XRCC2: variants seen among roughly 807,000 people sequenced by gnomAD.
XRCC2 encodes the protein X-ray repair cross complementing 2.
A neutral mutation model predicts 27.3 loss-of-function variants in XRCC2; 24 were observed. That is an observed-to-expected ratio of 0.88 (90% confidence interval 0.64 to 1.24). XRCC2 has a LOEUF of 1.24. Ranked by LOEUF, XRCC2 falls within the 50% of genes most tolerant of loss-of-function variation. The probability of loss-of-function intolerance (pLI) is 0.00; values close to 1 mark genes in which losing one functional copy is unlikely to be tolerated. For synonymous variants in XRCC2, 106 were observed against 115.4 expected (o/e 0.92, Z 0.52); for missense variants, 321 against 325.8 (o/e 0.99, Z 0.11).
In XRCC2 at chr7:152,649,023, A is replaced by C; in HGVS notation, c.462T>G (p.Phe154Leu). ...CLLILDSLSAFYWIDRVNGGE... is the reference protein window; with the variant it reads ...CLLILDSLSALYWIDRVNGGE... ...CTCCATTGACGCGGTCTATCCAGTA[A>C]AAAGCTGACAGGCTATCCAAAATCA... is the stretch of plus-strand genomic sequence containing the variant. The change falls in exon 3 of 3, where the codon TTT (phenylalanine) becomes TTG (leucine). Residue 154 changes from phenylalanine (F) to leucine (L), a missense_variant. Physicochemically the swap from Phe to Leu is conservative, Grantham distance 22 (BLOSUM62 0). Coordinates refer to ENST00000359321, the MANE Select transcript of XRCC2 (RefSeq NM_005431.2). 6.2e-7 allele frequency: 1 copy of C among 1,614,230 alleles called. No individual in the cohort carries two copies. Among genetic ancestry groups the C allele is most frequent in the African/African-American group, 1.3e-5 (1 of 75,060 alleles).
At chr7:152,658,853 G>A (rs887618635) in intron 2 of XRCC2, among the ~76,000 whole-genome samples, 3 of 152,108 alleles carry the variant, frequency 2.0e-5, no homozygotes. Context: ...TTCCCCCCAG[G>A]GATTCATTAT....
chr7:152,667,434 A>AAAC (rs2098036395), intron 1 of XRCC2, among the ~76,000 whole-genome samples: 1 of 147,718 alleles, frequency 6.8e-6, no homozygotes, highest in Non-Finnish European at 1.5e-5. Context: ...AAAGAAAAAA[A>AAAC]GTATTATAAT....
chr7:152,664,193 A>C (rs1488493081), intron 1 of XRCC2, among the ~76,000 whole-genome samples: 1 of 152,136 alleles, frequency 6.6e-6, no homozygotes, highest in East Asian at 1.9e-4. Context: ...GCTGATTTTA[A>C]TCTATATCCT....
rs1219934704 is a variant in XRCC2, at chr7:152,652,813, A to G, written c.122-3450T>C. 2.6e-5 allele frequency among the ~76,000 whole-genome samples: 4 copies of G among 152,180 alleles called. No individual in the cohort carries two copies. The South Asian group carries it at 8.3e-4, about 31-fold the overall frequency. ...TAAGGGCCTAAAAGCCAATTGTGAA[A>G]CTGGCATTTTAAATGGAAGCGGGTC... On this transcript the variant is annotated intron_variant, in intron 2 of 2. Transcript: ENST00000359321.
intron 1 of XRCC2, among the ~76,000 whole-genome samples, chr7:152,672,316 T>C (rs894299041): frequency 1.1e-4 from 17 of 152,206 alleles, no homozygotes; most frequent in Admixed American, 6.6e-4. Context: ...ACACCAATTA[T>C]TATTTTACAA....
intron 1 of XRCC2, among the ~76,000 whole-genome samples, chr7:152,662,209 G>A (rs982681864): frequency 6.6e-6 from 1 of 152,052 alleles, no homozygotes; most frequent in African/African-American, 2.4e-5. Flanking sequence ...CAAATGATCC[G>A]CTCCCATCGG....
chr7:152,648,993 T>C lies in XRCC2; in HGVS notation c.492A>G (p.Glu164=), dbSNP rs1167001769. 3 of 1,614,096 alleles carry C rather than the reference T, an allele frequency of 1.9e-6. No homozygotes were observed. The African/African-American group carries it at 4.0e-5, about 22-fold the overall frequency. Residue 164 remains glutamate, a synonymous_variant, in exon 3 of 3, where the codon GAA becomes GAG. Transcript: ENST00000359321. ...GAGTAGACTCCTGTAAGTTCACACT[T>C]TCTCCTCCATTGACGCGGTCTATCC... The part of the protein sequence containing the change: ...FYWIDRVNGG[E]SVNLQESTLR...
rs2116988168 is a variant in XRCC2 at position 152,649,212 on chromosome 7, C to T, written c.273G>A (p.Arg91=). 1.2e-6 allele frequency: 2 copies of T among 1,613,822 alleles called. No individual in the cohort carries two copies. The highest frequency in any genetic ancestry group is 1.7e-6 in the Non-Finnish European group (2 of 1,180,034). The part of the protein sequence containing the change: ...IDTDYHFDML[R]LVTILEHRLS... ...GTCTGTGCTCAAGAATTGTAACTAGCCGGAGCATATCAAAGTGGTAATCTG... is the reference window on the plus strand; with the variant it reads ...GTCTGTGCTCAAGAATTGTAACTAGTCGGAGCATATCAAAGTGGTAATCTG... The change falls in exon 3 of 3, where the codon CGG becomes CGA. Residue 91 remains arginine, a synonymous_variant. Coordinates refer to ENST00000359321, the MANE Select transcript of XRCC2 (RefSeq NM_005431.2).
chr7:152,661,160 T>G (rs1430110984), intron 1 of XRCC2, among the ~76,000 whole-genome samples: 1 of 152,194 alleles, frequency 6.6e-6, no homozygotes, highest in Non-Finnish European at 1.5e-5. Flanking sequence ...CATAATTTTG[T>G]GGATTTGGAA....
intron 2 of XRCC2, among the ~76,000 whole-genome samples, chr7:152,652,127 C>T (rs3218523): frequency 0.38 from 57,402 of 151,066 alleles, 12,526 homozygotes; most frequent in Non-Finnish European, 0.47. Flanking sequence ...CATGCCACTG[C>T]ACTCTAGCCC....
intron 2 of XRCC2, among the ~76,000 whole-genome samples, chr7:152,657,688 ATACAG>A (rs2098031273): frequency 6.6e-6 from 1 of 152,232 alleles, no homozygotes; most frequent in Non-Finnish European, 1.5e-5. Context: ...GGGAATACCT[ATACAG>A]TAAACAAAGC....
intron 2 of XRCC2, among the ~76,000 whole-genome samples, chr7:152,659,933 C>T (rs2098032335): frequency 6.6e-6 from 1 of 151,810 alleles, no homozygotes; most frequent in Admixed American, 6.6e-5. Context: ...AACATGTACA[C>T]TCATGCAATG....
chr7:152,657,442 G>C (rs1300285437), intron 2 of XRCC2, among the ~76,000 whole-genome samples: 1 of 151,724 alleles, frequency 6.6e-6, no homozygotes, highest in Non-Finnish European at 1.5e-5. Context: ...TGGGATTACA[G>C]GCACCCGCCA....
intron 1 of XRCC2, among the ~76,000 whole-genome samples, chr7:152,674,788 A>ATTATATATAAATATATTTTTAAATATATT (rs2098040161): frequency 8.8e-6 from 1 of 113,142 alleles, no homozygotes; most frequent in African/African-American, 3.9e-5. Context: ...TTAAATATAT[A>ATTATATATAAATATATTTTTAAATATATT]TATATCTATG....
intron 1 of XRCC2, among the ~76,000 whole-genome samples, chr7:152,674,699 ATATATT>A (rs1394628995): frequency 1.8e-5 from 1 of 56,146 alleles, no homozygotes; most frequent in African/African-American, 1.0e-4. Context: ...ATTTTTAAAT[ATATATT>A]TATATAATAT....
In XRCC2 at chr7:152,648,651, T is replaced by C; in HGVS notation, c.834A>G (p.Glu278=). The change falls in exon 3 of 3, where the codon GAA becomes GAG. Residue 278 remains glutamate, a synonymous_variant. Coordinates refer to ENST00000359321, the MANE Select transcript of XRCC2 (RefSeq NM_005431.2). ...HFFIIGESGV[E]FC Reference sequence around the variant, plus strand: ...TATTTTATGATGTATATCAACAAAATTCAACCCCACTTTCTCCAATAATAA... The same window carrying C: ...TATTTTATGATGTATATCAACAAAACTCAACCCCACTTTCTCCAATAATAA... 1.3e-6 allele frequency: 2 copies of C among 1,598,286 alleles called. No homozygotes were observed. Among genetic ancestry groups the C allele is most frequent in the Non-Finnish European group, 1.7e-6 (2 of 1,173,894 alleles).
Position 152,649,188 on chromosome 7 carries a change from T to A in XRCC2, c.297A>T (p.Arg99Ser). Reference protein sequence around the residue: ...MLRLVTILEHRLSQSSEEIIK... With the variant: ...MLRLVTILEHSLSQSSEEIIK... ...TTATTTCTTCAGAGCTTTGGGATAGTCTGTGCTCAAGAATTGTAACTAGCC... is the reference window on the plus strand; with the variant it reads ...TTATTTCTTCAGAGCTTTGGGATAGACTGTGCTCAAGAATTGTAACTAGCC... Residue 99 changes from arginine (R) to serine (S), a missense_variant, in exon 3 of 3, where the codon AGA becomes AGT. By Grantham distance (110) the Arg-to-Ser change is moderately radical (BLOSUM62 -1). Coordinates refer to ENST00000359321, the MANE Select transcript of XRCC2 (RefSeq NM_005431.2). 6.2e-7 allele frequency: 1 copy of A among 1,613,828 alleles called. No homozygotes were observed. The highest frequency in any genetic ancestry group is 8.5e-7 in the Non-Finnish European group (1 of 1,180,026).
chr7:152,668,776 C>T (rs3218416), intron 1 of XRCC2, among the ~76,000 whole-genome samples: 12,453 of 152,252 alleles, frequency 0.082, 773 homozygotes, highest in Admixed American at 0.2. Context: ...AGATTTGATA[C>T]TTGGATTGTA....
At chr7:152,651,649 G>T (rs1448318749) in intron 2 of XRCC2, among the ~76,000 whole-genome samples, 2 of 151,898 alleles carry the variant, frequency 1.3e-5, no homozygotes, top group Non-Finnish European at 2.9e-5. Flanking sequence ...AAGTAGTTGG[G>T]ACTACAGGCA....
Sources: gnomAD v4.1 joint callset for allele counts (sites outside exome capture counted in the v4.1 genomes callset) on GRCh38, gnomAD v4.1.1 for gene constraint, MANE v1.5 for transcripts, NCBI Gene and HGNC (gene_info 2026-07-23, HGNC 2026-07-21) for gene names.